The following ALK variants were observed in gnomAD, a reference collection of about 807,000 sequenced individuals.
ALK encodes the protein ALK receptor tyrosine kinase.
Under a neutral mutation model 163.1 loss-of-function variants are expected in ALK, and 74 were observed. The ratio of observed to expected loss-of-function variants is 0.45; its 90% confidence interval spans 0.38 to 0.55. ALK has a LOEUF of 0.55. Ranked by LOEUF, ALK falls within the 20% of genes least tolerant of loss-of-function variation. ALK has a pLI of 0.00. For missense variants in ALK, 2,063 were observed against 2,105.3 expected, an observed-to-expected ratio of 0.98 and a Z score of 0.39; for synonymous variants, 960 against 843.2, an observed-to-expected ratio of 1.14 and a Z score of -2.40.
At position 29,229,068 on chromosome 2, in the gene ALK, T is replaced by C. The variant is rs1471857749; in HGVS notation, c.2633-2A>G. The C allele has an allele frequency of 6.2e-7, 1 of 1,613,762 alleles. No individual in the cohort carries two copies. The highest frequency in any genetic ancestry group is 2.2e-5 in the East Asian group (1 of 44,838). On this transcript the variant is annotated splice_acceptor_variant, in intron 15 of 28. Transcript: ENST00000389048. LOFTEE classifies it high-confidence loss of function. ...TATCATTCCAGCCACCTCCACCACC[T>C]GCGGGAAGAGATAGGGAACCTGCGT...
intron 4 of ALK, among the ~76,000 whole-genome samples, chr2:29,462,328 G>A (rs369399849): frequency 2.0e-5 from 3 of 152,116 alleles, no homozygotes; most frequent in South Asian, 2.1e-4. Context: ...TGGGTAAAAC[G>A]CTATCAAACA....
chr2:29,774,128 C>T (rs773475500), intron 1 of ALK, among the ~76,000 whole-genome samples: 35 of 152,190 alleles, frequency 2.3e-4, no homozygotes, highest in Non-Finnish European at 4.3e-4. Flanking sequence ...ATAATGCTAT[C>T]TTTGGTGCTA....
chr2:29,630,944 G>T (rs1043952656), intron 3 of ALK, among the ~76,000 whole-genome samples: 4 of 152,184 alleles, frequency 2.6e-5, no homozygotes, highest in African/African-American at 9.7e-5. Flanking sequence ...ATAGCACATG[G>T]TGCTTAGGGT....
rs562753336 is a variant in ALK, at chr2:29,412,065, C to T, written c.1155-28206G>A. Among the ~76,000 whole-genome samples the T allele has an allele frequency of 8.5e-5, 13 of 152,260 alleles. No individual in the cohort carries two copies. In the South Asian group the frequency reaches 2.3e-3, roughly 27 times the overall value. ...CAATAGCCTGTCCAGGTAGTAGATA[C>T]AAATGTTATGTCCAGGTAGTAGGCC... On this transcript the variant is annotated intron_variant, in intron 4 of 28. Transcript: ENST00000389048.
At chr2:29,614,440 C>T (rs1352894790) in intron 3 of ALK, among the ~76,000 whole-genome samples, 1 of 152,220 alleles carries the variant, frequency 6.6e-6, no homozygotes, top group Non-Finnish European at 1.5e-5. Flanking sequence ...CTTTCCAGCC[C>T]CTGCCCTCCC....
At chr2:29,283,499 C>G (rs901552805) in intron 9 of ALK, among the ~76,000 whole-genome samples, 1 of 152,140 alleles carries the variant, frequency 6.6e-6, no homozygotes, top group African/African-American at 2.4e-5. Flanking sequence ...GATGGCAGCA[C>G]TGACAATGGC....
At chr2:29,716,839 T>A (rs968102023) in intron 2 of ALK, among the ~76,000 whole-genome samples, 13 of 151,550 alleles carry the variant, frequency 8.6e-5, no homozygotes, top group Admixed American at 6.6e-5. Context: ...ATAATAATAA[T>A]CCCCTCTTAA....
chr2:29,419,383 T>C (rs1227747249), intron 4 of ALK, among the ~76,000 whole-genome samples: 1 of 151,358 alleles, frequency 6.6e-6, no homozygotes, highest in Non-Finnish European at 1.5e-5. Flanking sequence ...GTGCTTATAA[T>C]ACAAGGAGTT....
At chr2:29,450,085 C>T (rs951069518) in intron 4 of ALK, among the ~76,000 whole-genome samples, 13 of 152,138 alleles carry the variant, frequency 8.5e-5, no homozygotes, top group Non-Finnish European at 1.3e-4. Context: ...TTCCTGCTCC[C>T]TCCTTGACAG....
At chr2:29,263,949 C>T (rs1157079113) in intron 11 of ALK, among the ~76,000 whole-genome samples, 2 of 152,212 alleles carry the variant, frequency 1.3e-5, no homozygotes, top group Admixed American at 1.3e-4. Flanking sequence ...ATGGAGCCTC[C>T]TAGAATCAAG....
chr2:29,883,170 G>A (rs145928180), intron 1 of ALK, among the ~76,000 whole-genome samples: 1 of 151,696 alleles, frequency 6.6e-6, no homozygotes, highest in Non-Finnish European at 1.5e-5. Context: ...GGAAAGGAAA[G>A]GAAAAGAAAA....
At chr2:29,443,460 G>A (rs1000561123) in intron 4 of ALK, among the ~76,000 whole-genome samples, 1 of 152,122 alleles carries the variant, frequency 6.6e-6, no homozygotes. Context: ...TCATCTACTT[G>A]CCACCGAGTC....
At chr2:29,623,714 G>T (rs1212355225) in intron 3 of ALK, among the ~76,000 whole-genome samples, 1 of 152,160 alleles carries the variant, frequency 6.6e-6, no homozygotes, top group Non-Finnish European at 1.5e-5. Context: ...CTAGAGTTTA[G>T]AAGAAAAACA....
At chr2:29,724,449 T>C (rs1438692616) in intron 1 of ALK, among the ~76,000 whole-genome samples, 3 of 152,212 alleles carry the variant, frequency 2.0e-5, no homozygotes, top group Admixed American at 1.3e-4. Flanking sequence ...TTTTTGGGAC[T>C]GGCAGCCCAG....
At chr2:29,221,820 T>A (rs1669812310) in intron 22 of ALK, among the ~76,000 whole-genome samples, 2 of 152,144 alleles carry the variant, frequency 1.3e-5, no homozygotes, top group Non-Finnish European at 2.9e-5. Context: ...CTTGAGGGGA[T>A]CTGCTGTCAC....
intron 8 of ALK, among the ~76,000 whole-genome samples, chr2:29,311,595 C>G (rs913313604): frequency 7.2e-5 from 11 of 152,148 alleles, no homozygotes; most frequent in Non-Finnish European, 1.5e-4. Flanking sequence ...TGCTCTGGGC[C>G]GTGTCACCAG....
intron 1 of ALK, among the ~76,000 whole-genome samples, chr2:29,830,713 TAAAAAAAAAAAAAAAAAA>T (rs530774574): frequency 6.9e-4 from 20 of 28,966 alleles, no homozygotes; most frequent in Non-Finnish European, 9.3e-4. Flanking sequence ...TAAAATAGTT[TAAAAAAAAAAAAAAAAAA>T]AAAAAAAAAA....
intron 24 of ALK, among the ~76,000 whole-genome samples, chr2:29,210,627 T>G (rs928640710): frequency 6.6e-6 from 1 of 152,142 alleles, no homozygotes; most frequent in Non-Finnish European, 1.5e-5. Context: ...AGAGACAGGG[T>G]TTCACCAAGT....
chr2:29,428,275 A>T (rs976399115), intron 4 of ALK, among the ~76,000 whole-genome samples: 1 of 152,034 alleles, frequency 6.6e-6, no homozygotes, highest in Non-Finnish European at 1.5e-5. Flanking sequence ...AAAGAGCAGA[A>T]ATTAATAAAA....
Sources: gnomAD v4.1 joint callset for allele counts (sites outside exome capture counted in the v4.1 genomes callset) on GRCh38, gnomAD v4.1.1 for gene constraint, MANE v1.5 for transcripts, NCBI Gene and HGNC (gene_info 2026-07-23, HGNC 2026-07-21) for gene names.